Variants in GRM8 observed in about 807,000 individuals in gnomAD.
GRM8 encodes glutamate metabotropic receptor 8, also known as metabotropic glutamate receptor 8.
In GRM8, 47 loss-of-function variants were observed where a neutral mutation model predicts 87.2. That is an observed-to-expected ratio of 0.54 (90% CI 0.43 to 0.69). The LOEUF is 0.69. GRM8 is among the 30% of genes least tolerant of loss of function. The pLI is 0.00. For synonymous variants in GRM8, 396 were observed against 404.5 expected, an observed-to-expected ratio of 0.98 and a Z score of 0.25; for missense variants, 1,019 against 1,139.2, an observed-to-expected ratio of 0.89 and a Z score of 1.52.
intron 3 of GRM8, among the ~76,000 whole-genome samples, chr7:126,983,177 G>C (rs34238563): frequency 0.15 from 22,886 of 152,018 alleles, 1,995 homozygotes; most frequent in Non-Finnish European, 0.21. Flanking sequence ...CCTCCCTCTG[G>C]AACTAAGACT....
At chr7:126,818,386 A>C (rs1470255197) in intron 6 of GRM8, among the ~76,000 whole-genome samples, 3 of 152,172 alleles carry the variant, frequency 2.0e-5, no homozygotes, top group African/African-American at 7.2e-5. Flanking sequence ...TATCTTCTTT[A>C]AGTGAATAAA....
chr7:127,101,921 C>G (rs1489915504), intron 3 of GRM8, among the ~76,000 whole-genome samples: 1 of 152,126 alleles, frequency 6.6e-6, no homozygotes. Context: ...TGCTTTTCAC[C>G]AAAATGTTAA....
chr7:127,118,435 C>T (rs988124431), intron 2 of GRM8, among the ~76,000 whole-genome samples: 6 of 152,164 alleles, frequency 3.9e-5, no homozygotes, highest in African/African-American at 1.4e-4. Context: ...ATTGATTAGC[C>T]CTTTCATCCT....
chr7:127,020,935 C>T lies in GRM8; in HGVS notation c.727+85561G>A, dbSNP rs182553870. ...GAGAAAGGGCAATTCCACAGAGCTT[C>T]CCTTAGCTAAGGGAATGGATACTGT... is the stretch of plus-strand genomic sequence containing the variant. On this transcript the variant is annotated intron_variant, in intron 3 of 10. Transcript: ENST00000339582. 7.9e-5 allele frequency among the ~76,000 whole-genome samples: 12 copies of T among 152,052 alleles called. No homozygotes were observed. The East Asian group carries it at 2.1e-3, about 27-fold the overall frequency.
intron 8 of GRM8, among the ~76,000 whole-genome samples, chr7:126,578,129 T>TC (rs1795272781): frequency 6.6e-6 from 1 of 152,224 alleles, no homozygotes; most frequent in South Asian, 2.1e-4. Flanking sequence ...TATATCCATA[T>TC]TTTTCCTGTT....
At chr7:126,868,415 G>T (rs1798796434) in intron 6 of GRM8, among the ~76,000 whole-genome samples, 1 of 152,252 alleles carries the variant, frequency 6.6e-6, no homozygotes, top group Non-Finnish European at 1.5e-5. Flanking sequence ...TCCCTTAAGG[G>T]GCCTAGAAAA....
chr7:126,642,031 T>C (rs1211809536), intron 7 of GRM8, among the ~76,000 whole-genome samples: 2 of 152,164 alleles, frequency 1.3e-5, no homozygotes, highest in East Asian at 1.9e-4. Flanking sequence ...TATTCAGCCA[T>C]ACAAAATGAG....
At chr7:126,595,940 C>A (rs891816781) in intron 8 of GRM8, among the ~76,000 whole-genome samples, 1 of 152,110 alleles carries the variant, frequency 6.6e-6, no homozygotes, top group African/African-American at 2.4e-5. Flanking sequence ...AGTTTGAGAC[C>A]AGCCTGGACA....
chr7:126,453,944 T>C (rs982298882), intron 9 of GRM8, among the ~76,000 whole-genome samples: 4 of 151,786 alleles, frequency 2.6e-5, no homozygotes, highest in African/African-American at 9.7e-5. Flanking sequence ...TTGCTCATGT[T>C]TTCCTTCGTG....
At chr7:126,976,068 A>C (rs1023395286) in intron 3 of GRM8, among the ~76,000 whole-genome samples, 4 of 152,210 alleles carry the variant, frequency 2.6e-5, no homozygotes, top group Non-Finnish European at 5.9e-5. Flanking sequence ...AATGAAGTTG[A>C]AAAACACATG....
At chr7:127,080,133 C>A (rs1822700557) in intron 3 of GRM8, among the ~76,000 whole-genome samples, 1 of 152,182 alleles carries the variant, frequency 6.6e-6, no homozygotes, top group Non-Finnish European at 1.5e-5. Context: ...CCATTGTAAC[C>A]ACAAGGGTCC....
intron 2 of GRM8, among the ~76,000 whole-genome samples, chr7:127,241,529 G>A (rs1798300392): frequency 6.6e-6 from 1 of 151,254 alleles, no homozygotes; most frequent in Non-Finnish European, 1.5e-5. Flanking sequence ...CACCTCCCAG[G>A]TTCAAGCGAT....
At chr7:127,058,275 C>T in intron 3 of GRM8, 2 of 382,428 alleles carry the variant, frequency 5.2e-6, no homozygotes. Flanking sequence ...TGTCAACACA[C>T]TCCTGGTTGG....
At chr7:126,819,562 A>G (rs746374168) in intron 6 of GRM8, among the ~76,000 whole-genome samples, 16 of 152,146 alleles carry the variant, frequency 1.1e-4, no homozygotes, top group Non-Finnish European at 1.9e-4. Flanking sequence ...TCAATGTAAT[A>G]TAATAAATAT....
At chr7:126,851,898 C>G (rs147372796) in intron 6 of GRM8, among the ~76,000 whole-genome samples, 5 of 152,080 alleles carry the variant, frequency 3.3e-5, no homozygotes, top group Admixed American at 3.3e-4. Flanking sequence ...TCTCCTAACC[C>G]CCATAGGGAC....
intron 3 of GRM8, among the ~76,000 whole-genome samples, chr7:127,040,582 A>G (rs1409423662): frequency 7.0e-6 from 1 of 143,630 alleles, no homozygotes; most frequent in East Asian, 2.1e-4. Flanking sequence ...ACTGTCCTGC[A>G]AGTTACTTCT....
chr7:126,833,998 G>A, intron 6 of GRM8, among the ~76,000 whole-genome samples: 1 of 152,218 alleles, frequency 6.6e-6, no homozygotes, highest in African/African-American at 2.4e-5. Context: ...CAAGCAGAAG[G>A]GATTGCTTGC....
At position 126,616,263 on chromosome 7, in the gene GRM8, T is replaced by A. The variant is rs544268120; in HGVS notation, c.1358-6765A>T. On this transcript the variant is annotated intron_variant, in intron 7 of 10. Transcript: ENST00000339582. ...ACTACATGGAAACTGAACAACCTGC[T>A]CCTGAATGACTACTGGGTACATAAC... Among the ~76,000 whole-genome samples, 143 of 152,292 alleles carry A rather than the reference T, an allele frequency of 9.4e-4. 1 individual carries two copies. Among genetic ancestry groups the A allele is most frequent in the African/African-American group, 3.3e-3 (137 of 41,558 alleles).
At chr7:126,892,033 A>AAAC (rs944100712) in intron 6 of GRM8, among the ~76,000 whole-genome samples, 1 of 151,048 alleles carries the variant, frequency 6.6e-6, no homozygotes, top group Non-Finnish European at 1.5e-5. Context: ...AAAAAAAAAA[A>AAAC]AAAAAAAAAA....
Sources: allele counts gnomAD v4.1 joint callset (sites outside exome capture counted in the v4.1 genomes callset), GRCh38; gene constraint gnomAD v4.1.1; transcripts MANE v1.5; gene names NCBI Gene and HGNC (gene_info 2026-07-23, HGNC 2026-07-21).